Variants in GARS1 observed in about 807,000 individuals in gnomAD.
GARS1 encodes glycyl-tRNA synthetase 1.
GARS1 carries 46 observed loss-of-function variants against 86.4 expected under a neutral mutation model. That is an observed-to-expected ratio of 0.53 (90% CI 0.42 to 0.68). The LOEUF is 0.68. Among genes scored for constraint, GARS1 ranks in the 30% least tolerant of loss-of-function variants. GARS1 has a pLI of 0.00. For synonymous variants in GARS1, 342 were observed against 329.8 expected, an observed-to-expected ratio of 1.04 and a Z score of -0.40; for missense variants, 797 against 915.6, an observed-to-expected ratio of 0.87 and a Z score of 1.67.
Position 30,617,293 on chromosome 7 carries a change from G to C in GARS1, c.1359+15G>C, listed in dbSNP as rs764380383. On this transcript the variant is annotated intron_variant, in intron 10 of 16. Transcript: ENST00000389266. ...AAACATCCTACGTAAGTGGAGTGCT[G>C]TTTACCATGTGATTTTCACATTGTT... The C allele has an allele frequency of 2.5e-6, 4 of 1,612,882 alleles. No individual in the cohort carries two copies. In the South Asian group the frequency reaches 4.4e-5, roughly 18 times the overall value.
intron 6 of GARS1, 79 bp from the exon 7 acceptor site, chr7:30,609,506 C>T: frequency 1.6e-6 from 2 of 1,246,182 alleles, no homozygotes; most frequent in Non-Finnish European, 2.3e-6. Context: ...CAGTGGATGG[C>T]TAGGGTTATA....
At chr7:30,616,103 G>A (rs1562777799) in intron 9 of GARS1, 45 bp downstream of exon 9, 1 of 1,607,616 alleles carries the variant, frequency 6.2e-7, no homozygotes, top group Non-Finnish European at 8.5e-7. Context: ...CCTGTTCAGG[G>A]TTTGCAGCAA....
chr7:30,603,042 G>C lies in GARS1; in HGVS notation c.578G>C (p.Gly193Ala). ...LTPEPVLKTSGHVDKFADFMV... is the reference protein window; with the variant it reads ...LTPEPVLKTSAHVDKFADFMV... ...GGCATTTGTTAATTTAGGACCTCTG[G>C]CCATGTAGACAAATTTGCTGACTTC... Residue 193 changes from glycine to alanine, a missense_variant, in exon 5 of 17, where the codon GGC (glycine) becomes GCC (alanine). Coordinates refer to ENST00000389266, the MANE Select transcript of GARS1 (RefSeq NM_002047.4). 1 of 1,613,078 alleles carries C rather than the reference G, an allele frequency of 6.2e-7. No homozygotes were observed. The highest frequency in any genetic ancestry group is 2.2e-5 in the East Asian group (1 of 44,784).
upstream of GARS1, chr7:30,594,753 G>T: frequency 1.6e-6 from 1 of 615,770 alleles, no homozygotes; most frequent in African/African-American, 1.9e-5. Flanking sequence ...GGTCCTTCCG[G>T]GTTTTGTGTC....
At chr7:30,623,033 G>A (rs758849866) in intron 12 of GARS1, among the ~76,000 whole-genome samples, 53 of 151,168 alleles carry the variant, frequency 3.5e-4, no homozygotes, top group Non-Finnish European at 5.8e-4. Context: ...CCTGGGAGGC[G>A]GAGCTTGCAG....
At position 30,601,151 on chromosome 7, in the gene GARS1, C is replaced by T. The variant is rs1791368748; in HGVS notation, c.520C>T (p.Gln174Ter). ...TWRQHFIQEE[Q>*]ILEIDCTMLT... is the part of the protein sequence containing the mutation. ...GAGGCAGCACTTTATCCAAGAGGAACAGATCCTGGAGATCGATTGCACCAT... is the reference window on the plus strand; with the variant it reads ...GAGGCAGCACTTTATCCAAGAGGAATAGATCCTGGAGATCGATTGCACCAT... Residue 174 changes from glutamine to a stop codon, truncating the protein, a stop_gained, in exon 4 of 17, where the codon CAG becomes TAG. Transcript: ENST00000389266. LOFTEE classifies it high-confidence loss of function. 3 of 1,614,106 alleles carry T rather than the reference C, an allele frequency of 1.9e-6. No individual in the cohort carries two copies. The highest frequency in any genetic ancestry group is 2.5e-6 in the Non-Finnish European group (3 of 1,179,992).
chr7:30,626,615 T>G (rs1300096170), intron 13 of GARS1, among the ~76,000 whole-genome samples: 1 of 152,210 alleles, frequency 6.6e-6, no homozygotes, highest in Non-Finnish European at 1.5e-5. Flanking sequence ...CGTCCCAAAG[T>G]GCTGAGATTA....
At chr7:30,614,097 T>C (rs1015434019) in intron 8 of GARS1, among the ~76,000 whole-genome samples, 2 of 152,204 alleles carry the variant, frequency 1.3e-5, no homozygotes, top group African/African-American at 4.8e-5. Flanking sequence ...TGAGCTGAGA[T>C]TATTGATGAG....
chr7:30,620,621 A>G (rs1315153124), intron 10 of GARS1, among the ~76,000 whole-genome samples: 1 of 152,242 alleles, frequency 6.6e-6, no homozygotes, highest in Non-Finnish European at 1.5e-5. Context: ...TTTTAAAAGT[A>G]TCTTATGTGT....
intron 6 of GARS1, among the ~76,000 whole-genome samples, chr7:30,605,999 C>A (rs890512963): frequency 3.3e-5 from 5 of 152,100 alleles, no homozygotes; most frequent in Non-Finnish European, 5.9e-5. Flanking sequence ...TTTTCCCTCC[C>A]CGCATTTTCA....
At chr7:30,594,787 C>T (rs1393969097), upstream of GARS1, 1 of 741,454 alleles carries the variant, frequency 1.3e-6, no homozygotes, top group African/African-American at 1.8e-5. Flanking sequence ...CGACCCGGCG[C>T]CGCGTCACGC....
intron 12 of GARS1, among the ~76,000 whole-genome samples, chr7:30,623,113 A>C (rs1338366008): frequency 8.0e-5 from 12 of 149,696 alleles, no homozygotes; most frequent in Admixed American, 1.3e-4. Context: ...AAAAAAAAAA[A>C]CAAAAAAAAA....
chr7:30,604,173 A>C (rs1235674933), intron 6 of GARS1, among the ~76,000 whole-genome samples: 1 of 152,202 alleles, frequency 6.6e-6, no homozygotes, highest in Non-Finnish European at 1.5e-5. Flanking sequence ...AGTAGTTCTT[A>C]TCCTTTTGTT....
At chr7:30,594,814 C>T (rs1286637803), upstream of GARS1, 3 of 957,530 alleles carry the variant, frequency 3.1e-6, no homozygotes, top group South Asian at 3.0e-5. Context: ...GAATGTGCGG[C>T]AGCACGCGCG....
At chr7:30,619,779 T>TC (rs1217209098) in intron 10 of GARS1, among the ~76,000 whole-genome samples, 1 of 137,922 alleles carries the variant, frequency 7.3e-6, no homozygotes, top group African/African-American at 2.6e-5. Flanking sequence ...TTTTTTTCTT[T>TC]TTTTTTTTTT....
chr7:30,628,437 A>G (rs1292876050), intron 13 of GARS1, 123 bp from the exon 14 acceptor site: 1 of 688,160 alleles, frequency 1.5e-6, no homozygotes, highest in Non-Finnish European at 2.7e-6. Flanking sequence ...CACCTACCTC[A>G]GCCTCCCAAA....
intron 8 of GARS1, 38 bp from the exon 9 acceptor site, chr7:30,615,858 T>TATC: frequency 6.2e-7 from 1 of 1,610,580 alleles, no homozygotes; most frequent in Non-Finnish European, 8.5e-7. Flanking sequence ...TTTTTGTAGT[T>TATC]AAATATGCAG....
intron 14 of GARS1, among the ~76,000 whole-genome samples, chr7:30,630,996 C>T (rs915601352): frequency 1.3e-5 from 2 of 152,140 alleles, no homozygotes; most frequent in African/African-American, 4.8e-5. Context: ...ATAGGTTTTT[C>T]TCTTAAAAGA....
At position 30,622,337 on chromosome 7, in the gene GARS1, G is replaced by A. The variant is rs1193052815; in HGVS notation, c.1488G>A (p.Gln496=). The A allele has an allele frequency of 6.2e-7, 1 of 1,614,160 alleles. No homozygotes were observed. Among genetic ancestry groups the A allele is most frequent in the East Asian group, 2.2e-5 (1 of 44,858 alleles). ...LKEPKTVNVV[Q]FEPSKGAIGK... ...CATACAAAACAGTCAATGTTGTTCA[G>A]TTTGAACCCAGTAAGGGAGCAATTG... Residue 496 remains glutamine, a synonymous_variant, in exon 12 of 17, where the codon CAG becomes CAA. Transcript: ENST00000389266.
Sources: gnomAD v4.1 joint callset for allele counts (sites outside exome capture counted in the v4.1 genomes callset) on GRCh38, gnomAD v4.1.1 for gene constraint, MANE v1.5 for transcripts, NCBI Gene and HGNC (gene_info 2026-07-23, HGNC 2026-07-21) for gene names.